Variants in LRP5 observed in about 807,000 individuals in gnomAD.
LRP5 encodes LDL receptor related protein 5.
A neutral mutation model predicts 154.1 loss-of-function variants in LRP5; 62 were observed. The ratio of observed to expected loss-of-function variants is 0.40; its 90% CI spans 0.33 to 0.50. LRP5 has a LOEUF of 0.50. LRP5 is among the 20% of genes least tolerant of loss of function. The pLI, the probability that LRP5 is intolerant of heterozygous loss-of-function variation, is 0.55. For missense variants in LRP5, 1,915 were observed against 2,336.7 expected, an observed-to-expected ratio of 0.82 and a Z score of 3.72; for synonymous variants, 966 against 1,011.5, an observed-to-expected ratio of 0.96 and a Z score of 0.85.
chr11:68,406,423 A>G, intron 8 of LRP5, 101 bp from the exon 9 acceptor site: 3 of 1,297,644 alleles, frequency 2.3e-6, no homozygotes, highest in Non-Finnish European at 3.4e-6. Context: ...GGCACCCCTG[A>G]GCTGTGTGGC....
intron 5 of LRP5, among the ~76,000 whole-genome samples, chr11:68,384,062 G>T (rs1295191728): frequency 6.6e-6 from 1 of 152,168 alleles, no homozygotes; most frequent in Admixed American, 6.5e-5. Context: ...TCCCCAGCCT[G>T]CCTGCCTCAG....
intron 7 of LRP5, among the ~76,000 whole-genome samples, chr11:68,394,140 C>T (rs748779582): frequency 6.6e-6 from 1 of 152,064 alleles, no homozygotes. Flanking sequence ...AAAACAGGAG[C>T]GTTTTGTCCA....
intron 5 of LRP5, among the ~76,000 whole-genome samples, chr11:68,374,286 G>A (rs759971159): frequency 5.3e-5 from 8 of 152,318 alleles, no homozygotes; most frequent in Middle Eastern, 3.4e-3. Context: ...AATAACGGGC[G>A]TTTGTTCCCA....
At chr11:68,436,158 G>A (rs553910294) in intron 18 of LRP5, among the ~76,000 whole-genome samples, 1 of 152,314 alleles carries the variant, frequency 6.6e-6, no homozygotes, top group African/African-American at 2.4e-5. Flanking sequence ...CTGGCTGCAT[G>A]CTCTGTTCCA....
intron 7 of LRP5, among the ~76,000 whole-genome samples, chr11:68,394,716 G>A (rs1321005543): frequency 1.3e-5 from 2 of 151,446 alleles, no homozygotes; most frequent in Non-Finnish European, 2.9e-5. Flanking sequence ...CGCCCGTCTC[G>A]GCCTCCCAAA....
chr11:68,360,832 C>A (rs1167871991), intron 3 of LRP5, among the ~76,000 whole-genome samples: 5 of 150,154 alleles, frequency 3.3e-5, no homozygotes, highest in Non-Finnish European at 7.4e-5. Context: ...CTCGTCTCTA[C>A]TAAAAATACA....
chr11:68,394,468 C>CTTTTTTT (rs1217880694), intron 7 of LRP5, among the ~76,000 whole-genome samples: 1 of 140,030 alleles, frequency 7.1e-6, no homozygotes, highest in Admixed American at 7.0e-5. Context: ...TGATTACCCA[C>CTTTTTTT]TTTTTTTTTT....
rs148725079 is a variant in LRP5, at chr11:68,448,838, C to T, written c.4616C>T (p.Pro1539Leu). Residue 1539 changes from proline (P) to leucine (L), a missense_variant, in exon 23 of 23, where the codon CCG becomes CTG. This residue lies in a region of LRP5 where 1,094 missense variants were observed against 1,210.1 expected (regional missense o/e 0.90). Coordinates refer to ENST00000294304, the MANE Select transcript of LRP5 (RefSeq NM_002335.4). Reference protein sequence around the residue: ...RPYIIRGMAPPTTPCSTDVCD... With the variant: ...RPYIIRGMAPLTTPCSTDVCD... ...TACATCATTCGAGGAATGGCGCCCCCGACGACGCCCTGCAGCACCGACGTG... is the reference window on the plus strand; with the variant it reads ...TACATCATTCGAGGAATGGCGCCCCTGACGACGCCCTGCAGCACCGACGTG... 159 of 1,609,402 alleles carry T rather than the reference C, an allele frequency of 9.9e-5. 1 individual carries two copies. Among genetic ancestry groups the T allele is most frequent in the Non-Finnish European group, 1.2e-4 (145 of 1,179,998 alleles).
chr11:68,348,715 G>A lies in LRP5; in HGVS notation c.488+472G>A, dbSNP rs552646792. 2.6e-5 allele frequency among the ~76,000 whole-genome samples: 4 copies of A among 152,340 alleles called. No individual in the cohort carries two copies. In the East Asian group the frequency reaches 5.8e-4, roughly 22 times the overall value. On this transcript the variant is annotated intron_variant, in intron 2 of 22. Coordinates refer to ENST00000294304, the MANE Select transcript of LRP5 (RefSeq NM_002335.4). ...TCCCAGCACTCTGGGAGGCCAAGGC[G>A]GGCAGATCACCTGAGTCCAGGAATT...
chr11:68,396,780 G>A (rs1335004715), intron 7 of LRP5, among the ~76,000 whole-genome samples: 5 of 152,154 alleles, frequency 3.3e-5, no homozygotes, highest in Non-Finnish European at 7.4e-5. Context: ...AGTGACAGCT[G>A]GGAGTGGCGG....
intron 9 of LRP5, among the ~76,000 whole-genome samples, chr11:68,409,287 ATAAT>A (rs1249114081): frequency 7.0e-6 from 1 of 142,352 alleles, no homozygotes; most frequent in African/African-American, 2.6e-5. Context: ...ATATTTATAA[ATAAT>A]ATATAATACA....
intron 17 of LRP5, among the ~76,000 whole-genome samples, 175 bp from the exon 18 acceptor site, chr11:68,433,427 A>G (rs539063495): frequency 1.3e-5 from 2 of 152,218 alleles, no homozygotes; most frequent in African/African-American, 4.8e-5. Flanking sequence ...CTGGAGGTGG[A>G]GCGGCACACA....
At position 68,312,761 on chromosome 11, in the gene LRP5, TGCTGCTGCTGCTGGC is replaced by T. The variant is rs2098589314; in HGVS notation, c.52_66del (p.Leu18_Leu22del). 9.2e-7 allele frequency: 1 copy of T among 1,089,916 alleles called. No individual in the cohort carries two copies. Among genetic ancestry groups the T allele is most frequent in the African/African-American group, 1.7e-5 (1 of 57,906 alleles). 67.5% of individuals were successfully genotyped at this position (1,089,916 alleles called of 1,614,324 possible). ...CCGCCGTGGCCGCTGCTGCTGCTGC[TGCTGCTGCTGCTGGC>T]GCTGTGCGGCTGCCCGGCCCCCGCC... On this transcript the variant is annotated inframe_deletion, in exon 1 of 23. Coordinates refer to ENST00000294304, the MANE Select transcript of LRP5 (RefSeq NM_002335.4).
chr11:68,424,776 T>C (rs497261), intron 14 of LRP5, among the ~76,000 whole-genome samples: 51,290 of 152,086 alleles, frequency 0.34, 9,546 homozygotes, highest in African/African-American at 0.47. Context: ...CCAGTCTCTC[T>C]GTCTGGCTGC....
At chr11:68,320,825 C>T (rs1255098402) in intron 1 of LRP5, among the ~76,000 whole-genome samples, 1 of 152,004 alleles carries the variant, frequency 6.6e-6, no homozygotes, top group Non-Finnish European at 1.5e-5. Context: ...ATTCTTTGTT[C>T]TGTTTGTTTC....
At chr11:68,376,078 T>G (rs1374447207) in intron 5 of LRP5, among the ~76,000 whole-genome samples, 1 of 151,900 alleles carries the variant, frequency 6.6e-6, no homozygotes, top group Non-Finnish European at 1.5e-5. Flanking sequence ...TAACGTTTCT[T>G]GGGGGCCACT....
At chr11:68,354,025 T>C (rs950788445) in intron 2 of LRP5, among the ~76,000 whole-genome samples, 3 of 152,148 alleles carry the variant, frequency 2.0e-5, no homozygotes, top group Admixed American at 6.5e-5. Context: ...TGGCTTAGCA[T>C]GGGAGGAGTC....
chr11:68,317,247 C>T (rs1207138562), intron 1 of LRP5, among the ~76,000 whole-genome samples: 1 of 152,232 alleles, frequency 6.6e-6, no homozygotes, highest in East Asian at 1.9e-4. Context: ...TCTGCAAAAT[C>T]GGGACGATGG....
intron 12 of LRP5, 34 bp from the exon 13 acceptor site, chr11:68,416,294 C>T (rs2153169217): frequency 5.6e-6 from 9 of 1,595,794 alleles, no homozygotes; most frequent in South Asian, 1.1e-5. Flanking sequence ...GGCTTACAGA[C>T]ACCCACCTGC....
Sources: gnomAD v4.1 joint callset for allele counts (sites outside exome capture counted in the v4.1 genomes callset) on GRCh38, gnomAD v4.1.1 for gene constraint, gnomAD v4.1.1 regional missense constraint, MANE v1.5 for transcripts, NCBI Gene and HGNC (gene_info 2026-07-23, HGNC 2026-07-21) for gene names.